The following DOCK8 variants were observed in gnomAD, a reference collection of about 807,000 sequenced individuals.
DOCK8 encodes dedicator of cytokinesis protein 8.
A neutral mutation model predicts 245.6 loss-of-function variants in DOCK8; 141 were observed. The observed-to-expected ratio is 0.57, with a 90% confidence interval of 0.50 to 0.66. The LOEUF (loss-of-function observed/expected upper bound fraction) is 0.66, where lower values mean the gene tolerates loss of function less well. Ranked by LOEUF, DOCK8 falls within the 30% of genes least tolerant of loss-of-function variation. The probability of loss-of-function intolerance (pLI) is 0.00; values close to 1 mark genes in which losing one functional copy is unlikely to be tolerated. For synonymous variants in DOCK8, 1,168 were observed against 970.2 expected (o/e 1.20, Z -3.79); for missense variants, 2,965 against 2,603.4 (o/e 1.14, Z -3.02).
At chr9:231,042 A>G (rs1197018700) in intron 1 of DOCK8, among the ~76,000 whole-genome samples, 1 of 152,136 alleles carries the variant, frequency 6.6e-6, no homozygotes, top group Non-Finnish European at 1.5e-5. Flanking sequence ...TAGGTCTAAC[A>G]TTTAAGTCTT....
intron 14 of DOCK8, among the ~76,000 whole-genome samples, chr9:341,995 G>A (rs1457206561): frequency 6.6e-6 from 1 of 152,168 alleles, no homozygotes; most frequent in Non-Finnish European, 1.5e-5. Context: ...ACTTTCAGAT[G>A]GGACCCTCTA....
intron 6 of DOCK8, among the ~76,000 whole-genome samples, chr9:315,061 TG>T (rs1205771960): frequency 2.6e-5 from 4 of 152,190 alleles, no homozygotes; most frequent in African/African-American, 4.8e-5. Flanking sequence ...CTGAGGCTGT[TG>T]GTTACAAGTG....
In DOCK8 at chr9:451,364, T is replaced by C. The variant is rs1272013772; in HGVS notation, c.5962-647T>C. Reference sequence around the variant, plus strand: ...TTGGGCTGTGTATGGTGCGCACGCCTGTAATCCCAGCAATTTGGGAGGCTG... The same window carrying C: ...TTGGGCTGTGTATGGTGCGCACGCCCGTAATCCCAGCAATTTGGGAGGCTG... On this transcript the variant is annotated intron_variant, in intron 45 of 47. Coordinates refer to ENST00000432829, the MANE Select transcript of DOCK8 (RefSeq NM_203447.4). Among the ~76,000 whole-genome samples, 3 of 152,020 alleles carry C rather than the reference T, an allele frequency of 2.0e-5. No homozygotes were observed. The East Asian group carries it at 5.8e-4, about 29-fold the overall frequency.
At chr9:334,472 A>G in intron 11 of DOCK8, 88 bp downstream of exon 11, 2 of 1,454,062 alleles carry the variant, frequency 1.4e-6, no homozygotes, top group Non-Finnish European at 9.4e-7. Flanking sequence ...CTGGGGGCAC[A>G]GTGAGGTGTG....
Position 370,230 on chromosome 9 carries a change from G to C in DOCK8, c.1798G>C (p.Val600Leu), listed in dbSNP as rs1416043921. 6.2e-7 allele frequency: 1 copy of C among 1,613,624 alleles called. No individual in the cohort carries two copies. The highest frequency in any genetic ancestry group is 8.5e-7 in the Non-Finnish European group (1 of 1,179,496). Reference sequence around the variant, plus strand: ...TGATCCTTTCTCTACTGGTGAACAGGTCATCTTTGGAAAATCCAGCGGGCC... The same window carrying C: ...TGATCCTTTCTCTACTGGTGAACAGCTCATCTTTGGAAAATCCAGCGGGCC... ...CGEDASNAMP[V>L]IFGKSSGPEF... is the part of the protein sequence containing the mutation. Residue 600 changes from valine (V) to leucine (L), a missense_variant and splice_region_variant, in exon 16 of 48, where the codon GTC (valine) becomes CTC (leucine). Transcript: ENST00000432829.
chr9:288,518 G>A (rs1178784035), intron 3 of DOCK8, among the ~76,000 whole-genome samples: 1 of 152,220 alleles, frequency 6.6e-6, no homozygotes, highest in Non-Finnish European at 1.5e-5. Flanking sequence ...TTGCCTCAGT[G>A]CATAATGCAC....
intron 30 of DOCK8, among the ~76,000 whole-genome samples, chr9:419,675 C>G (rs2056192988): frequency 6.6e-6 from 1 of 152,192 alleles, no homozygotes; most frequent in Non-Finnish European, 1.5e-5. Flanking sequence ...ATTAGCTACG[C>G]TGCATGAACC....
At chr9:294,491 A>T (rs2049173788) in intron 4 of DOCK8, among the ~76,000 whole-genome samples, 1 of 152,208 alleles carries the variant, frequency 6.6e-6, no homozygotes, top group South Asian at 2.1e-4. Flanking sequence ...TTATTATTTT[A>T]ATCTGGAAGC....
In DOCK8 at chr9:312,160, G is replaced by A. The variant is rs756344650; in HGVS notation, c.735G>A (p.Val245=). Reference sequence around the variant, plus strand: ...AGCTCTTTGCCCTTTACCCATCAGTGGACGAGGTGGGTGCCACTGTTTCCA... The same window carrying A: ...AGCTCTTTGCCCTTTACCCATCAGTAGACGAGGTGGGTGCCACTGTTTCCA... The part of the protein sequence containing the change: ...QAELFALYPS[V]DEEDAVEIRP... Residue 245 remains valine, a synonymous_variant, in exon 6 of 48, where the codon GTG becomes GTA. Coordinates refer to ENST00000432829, the MANE Select transcript of DOCK8 (RefSeq NM_203447.4). 1 of 1,614,134 alleles carries A rather than the reference G, an allele frequency of 6.2e-7. No homozygotes were observed. The highest frequency in any genetic ancestry group is 8.5e-7 in the Non-Finnish European group (1 of 1,179,974).
At chr9:283,132 T>G (rs2048662768) in intron 2 of DOCK8, among the ~76,000 whole-genome samples, 1 of 152,228 alleles carries the variant, frequency 6.6e-6, no homozygotes, top group Admixed American at 6.5e-5. Context: ...TTATAGCGGT[T>G]AAGAATGTGA....
At chr9:403,892 CTATATATATA>C (rs768500884) in intron 26 of DOCK8, among the ~76,000 whole-genome samples, 1 of 73,784 alleles carries the variant, frequency 1.4e-5, no homozygotes, top group African/African-American at 7.7e-5. Flanking sequence ...CTCTCTCTCT[CTATATATATA>C]TATATATATA....
At position 436,165 on chromosome 9, in the gene DOCK8, C is replaced by T. The variant is rs537378060; in HGVS notation, c.5079+1190C>T. 1.1e-3 allele frequency among the ~76,000 whole-genome samples: 170 copies of T among 152,320 alleles called. 1 individual carries two copies. The highest frequency in any genetic ancestry group is 8.4e-4 in the Non-Finnish European group (57 of 68,022). On this transcript the variant is annotated intron_variant, in intron 39 of 47. Coordinates refer to ENST00000432829, the MANE Select transcript of DOCK8 (RefSeq NM_203447.4). ...AGAACACAGCAAAGCTGGGTATTGC[C>T]TCCTATGAATAACTCCTCCTTTCTT... is the stretch of plus-strand genomic sequence containing the variant.
intron 10 of DOCK8, among the ~76,000 whole-genome samples, chr9:333,356 C>T (rs1054316333): frequency 6.6e-6 from 1 of 152,172 alleles, no homozygotes; most frequent in Non-Finnish European, 1.5e-5. Flanking sequence ...AATCCCAGCA[C>T]TTTGGGAGGC....
intron 5 of DOCK8, among the ~76,000 whole-genome samples, chr9:308,050 G>A (rs1008558870): frequency 5.3e-5 from 8 of 152,204 alleles, no homozygotes; most frequent in Non-Finnish European, 1.2e-4. Flanking sequence ...TAGATGCTGG[G>A]AAGGATGGAT....
In DOCK8 at chr9:235,018, C is replaced by A. The variant is rs150960578; in HGVS notation, c.53+19989C>A. On this transcript the variant is annotated intron_variant, in intron 1 of 47. Transcript: ENST00000432829. Reference sequence around the variant, plus strand: ...TTTTTCTGCTCTGTTTTTTTCCCATCTTTGTGTTTTTATCTACCTTTGGTC... The same window carrying A: ...TTTTTCTGCTCTGTTTTTTTCCCATATTTGTGTTTTTATCTACCTTTGGTC... Among the ~76,000 whole-genome samples, 24 of 152,208 alleles carry A rather than the reference C, an allele frequency of 1.6e-4. 2 individuals carry two copies. In the East Asian group the frequency reaches 4.6e-3, roughly 29 times the overall value.
At chr9:442,135 C>A (rs968660729) in intron 42 of DOCK8, 126 bp downstream of exon 42, 4 of 1,378,282 alleles carry the variant, frequency 2.9e-6, no homozygotes, top group African/African-American at 1.5e-5. Flanking sequence ...TAAAGTTTTC[C>A]CCTTTGCATT....
chr9:257,404 G>C (rs2047803404), intron 1 of DOCK8, among the ~76,000 whole-genome samples: 1 of 152,206 alleles, frequency 6.6e-6, no homozygotes, highest in South Asian at 2.1e-4. Context: ...GCAAGAGAAG[G>C]CTGGCAGGTA....
intron 6 of DOCK8, among the ~76,000 whole-genome samples, chr9:316,605 T>A (rs1176393165): frequency 1.3e-5 from 2 of 152,232 alleles, no homozygotes; most frequent in African/African-American, 4.8e-5. Context: ...CAGCCTTAAG[T>A]GAACCATTCT....
chr9:352,348 T>C (rs1199093904), intron 14 of DOCK8, among the ~76,000 whole-genome samples: 1 of 152,130 alleles, frequency 6.6e-6, no homozygotes, highest in Non-Finnish European at 1.5e-5. Flanking sequence ...AGAGAGAATA[T>C]GCTTATTTTA....
Sources: allele counts gnomAD v4.1 joint callset (sites outside exome capture counted in the v4.1 genomes callset), GRCh38; gene constraint gnomAD v4.1.1; transcripts MANE v1.5; gene names NCBI Gene and HGNC (gene_info 2026-07-23, HGNC 2026-07-21).